GPATCH2L: variants seen among roughly 807,000 people sequenced by gnomAD.
GPATCH2L encodes the protein G patch domain-containing protein 2-like.
In GPATCH2L, 31 loss-of-function variants were observed where a neutral mutation model predicts 57.4. That is an observed-to-expected ratio of 0.54 (90% CI 0.41 to 0.73). The LOEUF (loss-of-function observed/expected upper bound fraction) is 0.73. Among genes scored for constraint, GPATCH2L ranks in the 30% least tolerant of loss-of-function variants. The probability of loss-of-function intolerance (pLI) is 0.00; values close to 1 mark genes in which losing one functional copy is unlikely to be tolerated. For synonymous variants in GPATCH2L, 199 were observed against 210.7 expected (o/e 0.94, Z 0.48); for missense variants, 481 against 599.9 (o/e 0.80, Z 2.07).
At chr14:76,152,894 T>C (rs2038119470) in intron 1 of GPATCH2L, 1 of 387,286 alleles carries the variant, frequency 2.6e-6, no homozygotes, top group African/African-American at 2.1e-5. Context: ...ATTTTGGTCT[T>C]AGGGACAGTT....
chr14:76,178,105 AC>A, intron 7 of GPATCH2L, 63 bp downstream of exon 7: 1 of 1,374,230 alleles, frequency 7.3e-7, no homozygotes, highest in Non-Finnish European at 1.0e-6. Context: ...AGAGTATCCA[AC>A]ACTTACTGGT....
rs776108162 is a variant in GPATCH2L at position 76,166,733 on chromosome 14, G to A, written c.727+6G>A. ...CAATGATGAAGGGCGACAAGGTAAT[G>A]TCGATCCCAGCTTTGGGACCTTGGT... On this transcript the variant is annotated splice_donor_region_variant and intron_variant, in intron 3 of 9. Transcript: ENST00000261530. 3.2e-6 allele frequency: 5 copies of A among 1,586,342 alleles called. No individual in the cohort carries two copies. The highest frequency in any genetic ancestry group is 4.5e-5 in the East Asian group (2 of 44,728).
At position 76,206,010 on chromosome 14, in the gene GPATCH2L, G is replaced by C. The variant is rs2040371785; in HGVS notation, c.*4159G>C. 6.5e-6 allele frequency: 1 copy of C among 152,766 alleles called. No individual in the cohort carries two copies. 9.5% of individuals were successfully genotyped at this position (152,766 alleles called of 1,614,324 possible). On this transcript the variant is annotated 3_prime_UTR_variant, in exon 10 of 10. Coordinates refer to ENST00000261530, the MANE Select transcript of GPATCH2L (RefSeq NM_017926.4). ...GTGGCTTACTGTAGCAGCTGTGGAT[G>C]CAGTCTAGTTGGAGGCATGGCTTGG...
Position 76,200,014 on chromosome 14 carries a change from C to A in GPATCH2L, c.1289-1677C>A, listed in dbSNP as rs72727880. Among the ~76,000 whole-genome samples the A allele has an allele frequency of 2.2e-3, 328 of 152,306 alleles. 1 individual carries two copies. Among genetic ancestry groups the A allele is most frequent in the Non-Finnish European group, 3.8e-3 (256 of 68,024 alleles). On this transcript the variant is annotated intron_variant, in intron 9 of 9. Coordinates refer to ENST00000261530, the MANE Select transcript of GPATCH2L (RefSeq NM_017926.4). Reference sequence around the variant, plus strand: ...AGCCTTTCTTATTCAGAATGAAACTCTGCCATGTGCTACAAATTGGATGAA... The same window carrying A: ...AGCCTTTCTTATTCAGAATGAAACTATGCCATGTGCTACAAATTGGATGAA...
intron 3 of GPATCH2L, among the ~76,000 whole-genome samples, chr14:76,171,367 G>C (rs2139656606): frequency 6.6e-6 from 1 of 152,140 alleles, no homozygotes; most frequent in East Asian, 1.9e-4. Flanking sequence ...TTGAGGTCAG[G>C]AGTCCAAGAC....
chr14:76,167,531 C>T (rs1188188470), intron 3 of GPATCH2L, among the ~76,000 whole-genome samples: 2 of 152,172 alleles, frequency 1.3e-5, no homozygotes, highest in Non-Finnish European at 2.9e-5. Context: ...GTAGGCTCCC[C>T]AGTAACTGAA....
chr14:76,232,353 G>A lies in GPATCH2L; in HGVS notation c.*117+2400G>A, dbSNP rs143827107. Among the ~76,000 whole-genome samples the A allele has an allele frequency of 5.7e-3, 866 of 152,088 alleles. 23 individuals are homozygous for A. Among genetic ancestry groups the A allele is most frequent in the Admixed American group, 0.042 (641 of 15,274 alleles). ...CTCACTCTGTCTTCCAGGCTGGAGC[G>A]CAATGGCGCCATCTCGGCTCACTGC... On this transcript the variant is annotated intron_variant and NMD_transcript_variant, in intron 2 of 3. Coordinates refer to the GPATCH2L transcript ENST00000556372.
At position 76,208,369 on chromosome 14, in the gene GPATCH2L, A is replaced by G. The variant is rs1246558545; in HGVS notation, c.*6518A>G. On this transcript the variant is annotated 3_prime_UTR_variant, in exon 10 of 10. Transcript: ENST00000261530. ...TGAAAAAAAATCTCACGACCATGCA[A>G]ACTGATGCCACCCCAAAGTCATGGT... The G allele has an allele frequency of 1.3e-5, 2 of 152,120 alleles. No individual in the cohort carries two copies. Among genetic ancestry groups the G allele is most frequent in the Non-Finnish European group, 2.9e-5 (2 of 68,038 alleles). 9.4% of individuals were successfully genotyped at this position (152,120 alleles called of 1,614,324 possible).
At chr14:76,165,730 A>G (rs2038804604) in intron 2 of GPATCH2L, among the ~76,000 whole-genome samples, 1 of 152,232 alleles carries the variant, frequency 6.6e-6, no homozygotes, top group Non-Finnish European at 1.5e-5. Context: ...TTGGAAGGAC[A>G]TTTGGAAATG....
chr14:76,158,611 C>T (rs769251594), intron 2 of GPATCH2L, among the ~76,000 whole-genome samples: 8 of 152,188 alleles, frequency 5.3e-5, no homozygotes, highest in Non-Finnish European at 8.8e-5. Flanking sequence ...AAGTAGCCTC[C>T]TTTGCAAGTG....
intron 3 of GPATCH2L, among the ~76,000 whole-genome samples, chr14:76,171,639 T>C (rs2039088881): frequency 1.3e-5 from 2 of 151,592 alleles, no homozygotes; most frequent in Non-Finnish European, 2.9e-5. Flanking sequence ...TCCAGCCACT[T>C]GGGAGGCTGA....
At chr14:76,179,793 A>G (rs1403587890) in intron 7 of GPATCH2L, 3 of 152,228 alleles carry the variant, frequency 2.0e-5, no homozygotes, top group Non-Finnish European at 4.4e-5. Flanking sequence ...TGATCCTCAC[A>G]GCCACCTTTT....
chr14:76,213,900 T>C lies in GPATCH2L; in HGVS notation c.*12049T>C, dbSNP rs150334561. 1 of 152,312 alleles carries C rather than the reference T, an allele frequency of 6.6e-6. No homozygotes were observed. The highest frequency in any genetic ancestry group is 1.9e-4 in the East Asian group (1 of 5,182). The allele number at this position is 152,312 out of a possible 1,614,324, so 9.4% of individuals were successfully genotyped here. A position where few individuals can be genotyped will look rare whatever the true frequency, so the allele number is the denominator to read the frequency against. On this transcript the variant is annotated 3_prime_UTR_variant, in exon 10 of 10. Transcript: ENST00000261530. ...GTAATGTTGTTTTTCTGGTTCGGTATTCAATCCAGGATCCATATGTACTTG... is the reference window on the plus strand; with the variant it reads ...GTAATGTTGTTTTTCTGGTTCGGTACTCAATCCAGGATCCATATGTACTTG...
At chr14:76,222,261 A>G (rs2040518393) in intron 1 of GPATCH2L, among the ~76,000 whole-genome samples, 1 of 152,248 alleles carries the variant, frequency 6.6e-6, no homozygotes, top group Non-Finnish European at 1.5e-5. Flanking sequence ...TCAGCAAATC[A>G]GAAAATCCTC....
At chr14:76,194,415 T>G (rs886090663) in intron 8 of GPATCH2L, among the ~76,000 whole-genome samples, 1 of 152,134 alleles carries the variant, frequency 6.6e-6, no homozygotes, top group Admixed American at 6.6e-5. Context: ...AGGATTTTAG[T>G]CAAATTCTTA....
At position 76,173,527 on chromosome 14, in the gene GPATCH2L, G is replaced by T. The variant is rs2039180540; in HGVS notation, c.905-19G>T. 1 of 1,556,660 alleles carries T rather than the reference G, an allele frequency of 6.4e-7. No homozygotes were observed. The highest frequency in any genetic ancestry group is 8.8e-7 in the Non-Finnish European group (1 of 1,133,360). ...GGATTTTCTGCATTCGGTATCTGAG[G>T]CCTTCCTTCTTTTTTTAGGGTACCA... is the stretch of plus-strand genomic sequence containing the variant. On this transcript the variant is annotated intron_variant, in intron 4 of 9. Transcript: ENST00000261530.
downstream of GPATCH2L, among the ~76,000 whole-genome samples, chr14:76,217,791 T>C (rs2040496270): frequency 6.6e-6 from 1 of 152,180 alleles, no homozygotes; most frequent in Non-Finnish European, 1.5e-5. Context: ...CAAATGTCTC[T>C]CAAACGTGAA....
At chr14:76,173,960 T>C (rs1305312168) in intron 5 of GPATCH2L, 1 of 358,636 alleles carries the variant, frequency 2.8e-6, no homozygotes, top group East Asian at 4.2e-5. Flanking sequence ...ACTCTTGGCT[T>C]CTTTATGACT....
intron 9 of GPATCH2L, among the ~76,000 whole-genome samples, chr14:76,197,746 TCA>T (rs772997375): frequency 1.3e-5 from 2 of 152,156 alleles, no homozygotes; most frequent in Non-Finnish European, 2.9e-5. Context: ...TAGCACTAAA[TCA>T]CGCTACGGCA....
Sources: allele counts gnomAD v4.1 joint callset (sites outside exome capture counted in the v4.1 genomes callset), GRCh38; gene constraint gnomAD v4.1.1; transcripts MANE v1.5; gene names NCBI Gene and HGNC (gene_info 2026-07-23, HGNC 2026-07-21).